HAO1: variants seen among roughly 807,000 people sequenced by gnomAD.
HAO1 encodes 2-Hydroxyacid oxidase 1.
HAO1 carries 34 observed loss-of-function variants against 39.7 expected under a neutral mutation model. That is an observed-to-expected ratio of 0.86 (90% CI 0.65 to 1.14). The LOEUF is 1.14. HAO1 is among the 50% of genes most tolerant of loss of function. The pLI is 0.00. For synonymous variants in HAO1, 172 were observed against 173.2 expected, an observed-to-expected ratio of 0.99 and a Z score of 0.05; for missense variants, 479 against 464.5, an observed-to-expected ratio of 1.03 and a Z score of -0.29.
rs1292549632 is a variant in HAO1 at position 7,936,550 on chromosome 20, G to GTGTGTT, written c.138-1916_138-1915insAACACA. 9.7e-4 allele frequency among the ~76,000 whole-genome samples: 137 copies of GTGTGTT among 141,130 alleles called. 2 individuals are homozygous for GTGTGTT. Among genetic ancestry groups the GTGTGTT allele is most frequent in the African/African-American group, 2.0e-3 (70 of 35,698 alleles). The allele number at this position is 141,130 out of a possible 152,430, so 92.6% of individuals were successfully genotyped here. A position where few individuals can be genotyped will look rare whatever the true frequency, so the allele number is the denominator to read the frequency against. ...TGTGTGTGTGTGTGTGTGTGTGTTC[G>GTGTGTT]CGCGCGCGCGCGCGCGTGCGTGCCA... On this transcript the variant is annotated intron_variant, in intron 1 of 7. Coordinates refer to ENST00000378789, the MANE Select transcript of HAO1 (RefSeq NM_017545.3).
At chr20:7,922,024 A>T (rs1202197053) in intron 2 of HAO1, among the ~76,000 whole-genome samples, 1 of 152,140 alleles carries the variant, frequency 6.6e-6, no homozygotes, top group African/African-American at 2.4e-5. Context: ...TACCTAGGTG[A>T]TGGATTCATT....
chr20:7,912,521 A>G (rs945329918), intron 3 of HAO1, among the ~76,000 whole-genome samples: 1 of 152,170 alleles, frequency 6.6e-6, no homozygotes, highest in Non-Finnish European at 1.5e-5. Flanking sequence ...CCAAGGGGAA[A>G]TAATGAGAAA....
At chr20:7,913,676 C>A (rs991809926) in intron 3 of HAO1, among the ~76,000 whole-genome samples, 14 of 152,112 alleles carry the variant, frequency 9.2e-5, no homozygotes, top group Non-Finnish European at 1.9e-4. Context: ...TGAATCTTGA[C>A]CCATGGATGA....
At chr20:7,930,125 C>T (rs1368199633) in intron 2 of HAO1, among the ~76,000 whole-genome samples, 3 of 152,236 alleles carry the variant, frequency 2.0e-5, no homozygotes, top group South Asian at 4.1e-4. Flanking sequence ...GAGGGGGACA[C>T]TTCTCCAGGG....
intron 4 of HAO1, among the ~76,000 whole-genome samples, chr20:7,904,423 G>C (rs769763915): frequency 2.6e-5 from 4 of 152,210 alleles, no homozygotes; most frequent in African/African-American, 7.2e-5. Context: ...CCACTTTAAA[G>C]TCTAAATTCT....
intron 2 of HAO1, among the ~76,000 whole-genome samples, chr20:7,921,010 T>C (rs115833313): frequency 0.01 from 1,520 of 151,650 alleles, 25 homozygotes; most frequent in African/African-American, 0.033. Flanking sequence ...ACAACACAGG[T>C]ATTGGGAGAA....
At chr20:7,917,198 G>A (rs970988293) in intron 2 of HAO1, among the ~76,000 whole-genome samples, 2 of 151,930 alleles carry the variant, frequency 1.3e-5, no homozygotes, top group Non-Finnish European at 2.9e-5. Context: ...ATATTAGCTG[G>A]GCGTAGTGGC....
chr20:7,906,116 CA>C (rs772743898), intron 4 of HAO1, 37 bp downstream of exon 4: 83 of 1,416,800 alleles, frequency 5.9e-5, no homozygotes, highest in Non-Finnish European at 7.8e-5. Context: ...CAAAGGATCA[CA>C]AAGTCAGTAT....
At chr20:7,934,392 C>T (rs1479292390) in intron 2 of HAO1, 92 bp downstream of exon 2, 7 of 924,002 alleles carry the variant, frequency 7.6e-6, no homozygotes, top group South Asian at 1.7e-5. Context: ...AGTGTAAAAA[C>T]ATCAAGGAAC....
intron 1 of HAO1, 22 bp from the exon 2 acceptor site, chr20:7,934,657 A>G: frequency 6.7e-7 from 1 of 1,497,974 alleles, no homozygotes; most frequent in Admixed American, 2.2e-5. Flanking sequence ...AAATAAAATA[A>G]AATAAAAGGC....
chr20:7,940,211 A>G, intron 1 of HAO1, 75 bp downstream of exon 1: 7 of 1,257,912 alleles, frequency 5.6e-6, no homozygotes, highest in Non-Finnish European at 7.7e-6. Flanking sequence ...CCACCAACGT[A>G]AAACTAGGAG....
chr20:7,888,263 G>A (rs2050159176), intron 5 of HAO1, among the ~76,000 whole-genome samples: 2 of 152,054 alleles, frequency 1.3e-5, no homozygotes, highest in African/African-American at 4.8e-5. Context: ...GAAACCCACA[G>A]GGATCTGACT....
At chr20:7,896,713 A>C (rs2050199472) in intron 4 of HAO1, among the ~76,000 whole-genome samples, 2 of 152,124 alleles carry the variant, frequency 1.3e-5, no homozygotes, top group African/African-American at 4.8e-5. Flanking sequence ...TAGATTTCTA[A>C]CTGCCTTTCT....
intron 2 of HAO1, among the ~76,000 whole-genome samples, chr20:7,916,269 AG>A: frequency 6.6e-6 from 1 of 152,198 alleles, no homozygotes; most frequent in Non-Finnish European, 1.5e-5. Context: ...TCTGTTATAA[AG>A]TATAAATATA....
chr20:7,886,800 T>C (rs1409310192), intron 5 of HAO1, among the ~76,000 whole-genome samples: 1 of 152,226 alleles, frequency 6.6e-6, no homozygotes, highest in Non-Finnish European at 1.5e-5. Flanking sequence ...GCTGATAACA[T>C]GTGAGCAGAG....
At chr20:7,921,571 T>C (rs1173308139) in intron 2 of HAO1, among the ~76,000 whole-genome samples, 1 of 152,192 alleles carries the variant, frequency 6.6e-6, no homozygotes, top group East Asian at 1.9e-4. Flanking sequence ...TGAGAGTTTT[T>C]CTACCATTCG....
intron 3 of HAO1, among the ~76,000 whole-genome samples, chr20:7,908,631 G>C (rs536102559): frequency 6.6e-6 from 1 of 152,210 alleles, no homozygotes; most frequent in Non-Finnish European, 1.5e-5. Flanking sequence ...AATAAGGATT[G>C]AATAGTTAGT....
intron 3 of HAO1, among the ~76,000 whole-genome samples, chr20:7,913,002 G>A (rs1600113835): frequency 1.3e-5 from 2 of 152,142 alleles, no homozygotes; most frequent in Non-Finnish European, 2.9e-5. Flanking sequence ...AACTTTCGTG[G>A]TGAGATTCAC....
chr20:7,926,355 A>G (rs1259656723), intron 2 of HAO1, among the ~76,000 whole-genome samples: 2 of 152,186 alleles, frequency 1.3e-5, no homozygotes, highest in African/African-American at 4.8e-5. Flanking sequence ...AAGAGTAAAA[A>G]TGTTCCTTAA....
Sources: gnomAD v4.1 joint callset for allele counts (sites outside exome capture counted in the v4.1 genomes callset) on GRCh38, gnomAD v4.1.1 for gene constraint, MANE v1.5 for transcripts, NCBI Gene and HGNC (gene_info 2026-07-23, HGNC 2026-07-21) for gene names.